Variants in CCDC60 observed in about 807,000 individuals in gnomAD.
CCDC60 encodes coiled-coil domain-containing protein 60.
Under a neutral mutation model 63.5 loss-of-function variants are expected in CCDC60, and 54 were observed. The ratio of observed to expected loss-of-function variants is 0.85; its 90% confidence interval spans 0.68 to 1.07. CCDC60 has a LOEUF of 1.07. Ranked by LOEUF, CCDC60 falls within the 50% of genes least tolerant of loss-of-function variation. CCDC60 has a pLI of 0.00. For missense variants in CCDC60, 651 were observed against 684.3 expected, an observed-to-expected ratio of 0.95 and a Z score of 0.54; for synonymous variants, 206 against 238.8, an observed-to-expected ratio of 0.86 and a Z score of 1.27.
intron 2 of CCDC60, among the ~76,000 whole-genome samples, chr12:119,454,579 C>A (rs1393464853): frequency 6.6e-6 from 1 of 152,202 alleles, no homozygotes; most frequent in Non-Finnish European, 1.5e-5. Context: ...ATTATCTAAA[C>A]CAGCCTCTCC....
At chr12:119,383,426 T>C (rs1037174462) in intron 1 of CCDC60, among the ~76,000 whole-genome samples, 22 of 152,240 alleles carry the variant, frequency 1.4e-4, no homozygotes, top group African/African-American at 5.3e-4. Flanking sequence ...AAACACCTGA[T>C]ACAAGCTGAA....
intron 1 of CCDC60, among the ~76,000 whole-genome samples, chr12:119,400,047 CTTT>C (rs550702095): frequency 1.5e-5 from 2 of 131,790 alleles, no homozygotes; most frequent in Admixed American, 7.8e-5. Context: ...GGTTGGTTTC[CTTT>C]TTTTTTTTTT....
chr12:119,507,601 TATATATATATATA>T (rs1566050691), intron 7 of CCDC60, among the ~76,000 whole-genome samples: 1,620 of 27,770 alleles, frequency 0.058, 70 homozygotes, highest in South Asian at 0.09. Context: ...CATATATATA[TATATATATATATA>T]TTTTTTTTTT....
At chr12:119,412,994 A>G (rs1457739369) in intron 1 of CCDC60, among the ~76,000 whole-genome samples, 1 of 152,060 alleles carries the variant, frequency 6.6e-6, no homozygotes, top group Non-Finnish European at 1.5e-5. Flanking sequence ...GCCATTTGCA[A>G]GGTTCACGAT....
At chr12:119,528,794 G>C in intron 12 of CCDC60, 48 bp downstream of exon 12, 2 of 1,574,248 alleles carry the variant, frequency 1.3e-6, no homozygotes, top group Non-Finnish European at 1.7e-6. Context: ...AGAGAACAGG[G>C]TGTTGTTATT....
intron 1 of CCDC60, among the ~76,000 whole-genome samples, chr12:119,397,253 G>A (rs553314596): frequency 2.0e-5 from 3 of 152,184 alleles, no homozygotes; most frequent in African/African-American, 7.2e-5. Context: ...ACACTTCCAT[G>A]ATCTGAAAAG....
chr12:119,368,161 G>T (rs925151563), intron 1 of CCDC60, among the ~76,000 whole-genome samples: 5 of 137,966 alleles, frequency 3.6e-5, no homozygotes, highest in Non-Finnish European at 1.6e-5. Flanking sequence ...AAAAGAAGGA[G>T]GAGGAGGAAG....
intron 1 of CCDC60, among the ~76,000 whole-genome samples, chr12:119,391,016 T>C (rs1956148430): frequency 6.6e-6 from 1 of 152,232 alleles, no homozygotes; most frequent in Admixed American, 6.5e-5. Context: ...CCATTTCTCA[T>C]TTTAGGTTAG....
rs769324019 is a variant in CCDC60, at chr12:119,522,962, C to T, written c.1064C>T (p.Ala355Val). ...KSSERSSSTS[A>V]ESHIQPVQKK... ...AGTGAGAGATCCAGCAGTACAAGTGCAGAAAGCCACATCCAACCAGTCCAG... is the reference window on the plus strand; with the variant it reads ...AGTGAGAGATCCAGCAGTACAAGTGTAGAAAGCCACATCCAACCAGTCCAG... The change falls in exon 10 of 14, where the codon GCA becomes GTA. Residue 355 changes from alanine (A) to valine (V), a missense_variant. Ala to Val is a moderately conservative substitution (Grantham distance 64). Transcript: ENST00000327554. 2.5e-6 allele frequency: 4 copies of T among 1,614,044 alleles called. 1 individual carries two copies. The South Asian group carries it at 4.4e-5, about 18-fold the overall frequency.
intron 1 of CCDC60, among the ~76,000 whole-genome samples, chr12:119,382,009 A>G (rs536874065): frequency 6.6e-6 from 1 of 152,162 alleles, no homozygotes; most frequent in Non-Finnish European, 1.5e-5. Context: ...TGACCTTCCT[A>G]TCTTTATCGT....
chr12:119,521,460 C>T (rs1375256662), intron 9 of CCDC60, among the ~76,000 whole-genome samples: 1 of 152,088 alleles, frequency 6.6e-6, no homozygotes, highest in East Asian at 1.9e-4. Context: ...CTAACCAACA[C>T]TGAGTCTGAT....
intron 13 of CCDC60, among the ~76,000 whole-genome samples, chr12:119,531,554 C>T (rs1952842595): frequency 6.6e-6 from 1 of 152,140 alleles, no homozygotes. Flanking sequence ...TAAGGCAAGA[C>T]CAGAATCATG....
intron 2 of CCDC60, among the ~76,000 whole-genome samples, chr12:119,467,151 T>G (rs990005805): frequency 6.6e-6 from 1 of 152,222 alleles, no homozygotes; most frequent in South Asian, 2.1e-4. Flanking sequence ...GCTCTGCAGG[T>G]GCAGTCATGG....
chr12:119,516,563 T>C, intron 7 of CCDC60, 60 bp from the exon 8 acceptor site: 1 of 1,225,958 alleles, frequency 8.2e-7, no homozygotes, highest in South Asian at 1.3e-5. Flanking sequence ...CACCCTGTTC[T>C]GCACAATCCT....
chr12:119,362,001 G>A (rs1955796134), intron 1 of CCDC60, among the ~76,000 whole-genome samples: 1 of 152,142 alleles, frequency 6.6e-6, no homozygotes. Context: ...GTAAAATGAG[G>A]TGCATCATCA....
intron 2 of CCDC60, among the ~76,000 whole-genome samples, chr12:119,442,484 C>T (rs1950466951): frequency 6.6e-6 from 1 of 152,178 alleles, no homozygotes; most frequent in Non-Finnish European, 1.5e-5. Flanking sequence ...CCTATGCACC[C>T]ATTGCTCAGA....
chr12:119,405,334 C>G (rs1274327886), intron 1 of CCDC60, among the ~76,000 whole-genome samples: 1 of 152,242 alleles, frequency 6.6e-6, no homozygotes, highest in East Asian at 1.9e-4. Flanking sequence ...TACTCAATTA[C>G]ATTTCCTTGA....
intron 1 of CCDC60, among the ~76,000 whole-genome samples, chr12:119,358,682 T>C (rs897145817): frequency 1.5e-4 from 23 of 152,328 alleles, no homozygotes; most frequent in African/African-American, 5.1e-4. Context: ...ATCATATAAA[T>C]GAATAATATG....
intron 1 of CCDC60, among the ~76,000 whole-genome samples, chr12:119,397,373 G>A (rs773072141): frequency 3.3e-5 from 5 of 152,004 alleles, no homozygotes; most frequent in East Asian, 1.9e-4. Context: ...TGATTGGTCC[G>A]TTTTACAGAG....
Sources: gnomAD v4.1 joint callset for allele counts (sites outside exome capture counted in the v4.1 genomes callset) on GRCh38, gnomAD v4.1.1 for gene constraint, MANE v1.5 for transcripts, NCBI Gene and HGNC (gene_info 2026-07-23, HGNC 2026-07-21) for gene names.